BCAT2: variants seen among roughly 807,000 people sequenced by gnomAD.
BCAT2 encodes the protein branched chain amino acid transaminase 2.
Under a neutral mutation model 52.9 loss-of-function variants are expected in BCAT2, and 44 were observed. The ratio of observed to expected loss-of-function variants is 0.83; its 90% CI spans 0.65 to 1.07. BCAT2 has a LOEUF of 1.07. BCAT2 is among the 50% of genes least tolerant of loss of function. The pLI, the probability that BCAT2 is intolerant of heterozygous loss-of-function variation, is 0.00. For synonymous variants in BCAT2, 215 were observed against 217.1 expected (o/e 0.99, Z 0.08); for missense variants, 478 against 521.8 (o/e 0.92, Z 0.82).
At chr19:48,808,112 G>C (rs1373294956) in intron 1 of BCAT2, 1 of 987,000 alleles carries the variant, frequency 1.0e-6, no homozygotes, top group Non-Finnish European at 1.2e-6. Context: ...GAGTTGCTGG[G>C]AGATGGGCCT....
intron 10 of BCAT2, chr19:48,795,877 G>T (rs2034497786): frequency 3.5e-6 from 1 of 283,618 alleles, no homozygotes; most frequent in South Asian, 5.4e-5. Flanking sequence ...AGATTTATGG[G>T]ATTAAACAGT....
intron 3 of BCAT2, among the ~76,000 whole-genome samples, chr19:48,803,353 TAAAAA>T (rs1006855094): frequency 6.7e-6 from 1 of 150,256 alleles, no homozygotes; most frequent in African/African-American, 2.4e-5. Flanking sequence ...ACCCCATCCC[TAAAAA>T]AAAATAAAAT....
intron 3 of BCAT2, among the ~76,000 whole-genome samples, chr19:48,805,656 CT>C (rs1025004513): frequency 6.0e-5 from 9 of 149,174 alleles, no homozygotes; most frequent in African/African-American, 2.2e-4. Context: ...GCCATCCCCC[CT>C]GGGCTGTCTC....
rs551454033 is a variant in BCAT2, at chr19:48,807,085, A to G, written c.25-11T>C. 1.2e-6 allele frequency: 2 copies of G among 1,611,306 alleles called. No homozygotes were observed. Among genetic ancestry groups the G allele is most frequent in the East Asian group, 4.5e-5 (2 of 44,834 alleles). On this transcript the variant is annotated splice_polypyrimidine_tract_variant and intron_variant, in intron 1 of 10. Transcript: ENST00000316273. The surrounding 1 kb of genome is among the most constrained non-coding windows in gnomAD (Gnocchi z 4.6). ...CTTTCGTGCCCAGATCTGGGTGGAG[A>G]AAGAAGTGAGAGAGGGGGTGAGTGG...
intron 3 of BCAT2, among the ~76,000 whole-genome samples, chr19:48,804,968 G>A (rs1029416343): frequency 6.6e-6 from 1 of 151,696 alleles, no homozygotes; most frequent in African/African-American, 2.4e-5. Flanking sequence ...GGAGGGGAGA[G>A]GGGAAAAAAC....
chr19:48,811,021 C>G lies in BCAT2; in HGVS notation c.-14G>C, dbSNP rs775013549. 1 of 1,598,768 alleles carries G rather than the reference C, an allele frequency of 6.3e-7. No homozygotes were observed. The highest frequency in any genetic ancestry group is 8.5e-7 in the Non-Finnish European group (1 of 1,174,120). ...GGCTGCGGCCATGATCCGTGCGGCG[C>G]GTAACTGTGCCCGCCCGGGGCGCGG... On this transcript the variant is annotated 5_prime_UTR_variant, in exon 1 of 11. Transcript: ENST00000316273.
intron 3 of BCAT2, among the ~76,000 whole-genome samples, chr19:48,804,706 T>C (rs1441829511): frequency 6.6e-6 from 1 of 152,106 alleles, no homozygotes; most frequent in Admixed American, 6.6e-5. Context: ...GTGCGTTCTG[T>C]CTGCCAGGGC....
In BCAT2 at chr19:48,799,741, G is replaced by C; in HGVS notation, c.629C>G (p.Ser210Cys). 1 of 1,589,804 alleles carries C rather than the reference G, an allele frequency of 6.3e-7. No homozygotes were observed. Among genetic ancestry groups the C allele is most frequent in the Non-Finnish European group, 8.6e-7 (1 of 1,169,274 alleles). Residue 210 changes from serine (S) to cysteine (C), a missense_variant, in exon 6 of 11, where the codon TCC becomes TGC. Transcript: ENST00000316273. The surrounding 1 kb of genome is among the most constrained non-coding windows in gnomAD (Gnocchi z 5.5). ...YFPGGSVTPV[S>C]LLADPAFIRA... ...GATGAAGGCTGGGTCGGCCAGGAGG[G>C]AGACCGGGGTCACGGAGCCTCCAGG...
rs1398075541 is a variant in BCAT2, at chr19:48,807,109, G to T, written c.25-35C>A. On this transcript the variant is annotated intron_variant, in intron 1 of 10. Coordinates refer to ENST00000316273, the MANE Select transcript of BCAT2 (RefSeq NM_001190.4). This position sits in a 1 kb window ranked among gnomAD's most constrained non-coding sequence, Gnocchi z 4.6. ...GAAAGAAGTGAGAGAGGGGGTGAGTGGGGCACAGCAGGGGCCCTGGCAGCT... is the reference window on the plus strand; with the variant it reads ...GAAAGAAGTGAGAGAGGGGGTGAGTTGGGCACAGCAGGGGCCCTGGCAGCT... 1 of 1,581,744 alleles carries T rather than the reference G, an allele frequency of 6.3e-7. No individual in the cohort carries two copies. Among genetic ancestry groups the T allele is most frequent in the Admixed American group, 1.7e-5 (1 of 58,492 alleles).
chr19:48,796,908 C>T (rs1247419360), intron 8 of BCAT2, 29 bp downstream of exon 8: 2 of 1,611,822 alleles, frequency 1.2e-6, no homozygotes, highest in African/African-American at 2.7e-5. Flanking sequence ...GCACATGGCG[C>T]CCATCACCAG....
intron 1 of BCAT2, among the ~76,000 whole-genome samples, chr19:48,809,306 T>G (rs940851396): frequency 1.3e-5 from 2 of 151,702 alleles, no homozygotes; most frequent in Non-Finnish European, 2.9e-5. Context: ...CGTTTGGGGG[T>G]TCACAGGGCA....
Position 48,809,066 on chromosome 19 carries a change from C to CAAAAAAA in BCAT2, c.24+1911_24+1917dup, listed in dbSNP as rs3057799. Among the ~76,000 whole-genome samples the CAAAAAAA allele has an allele frequency of 4.1e-3, 118 of 28,962 alleles. 35 individuals carry two copies. The highest frequency in any genetic ancestry group is 0.056 in the Middle Eastern group (1 of 18). 19.0% of individuals were successfully genotyped at this position (28,962 alleles called of 152,430 possible). ...CCAGCATGAGTGATAGAGTGTCTCT[C>CAAAAAAA]AAAAAAAAAAAAAAAAAAAAAAAAA... On this transcript the variant is annotated intron_variant, in intron 1 of 10. Transcript: ENST00000316273.
intron 6 of BCAT2, 180 bp from the exon 7 acceptor site, chr19:48,797,513 T>C (rs1413162168): frequency 8.9e-6 from 6 of 672,718 alleles, no homozygotes; most frequent in Non-Finnish European, 5.0e-6. Flanking sequence ...TAAATGGTTA[T>C]GTCCCCTCTC....
In BCAT2 at chr19:48,800,047, G is replaced by C; in HGVS notation, c.465C>G (p.Asp155Glu). Residue 155 changes from aspartate to glutamate, a missense_variant, in exon 5 of 11, where the codon GAC becomes GAG. Transcript: ENST00000316273. ...CGGCGGCATCGGGGACCCAGTCCTT[G>C]TCCACTTCGATGAGCCGGCGGATGC... ...LECIRRLIEV[D>E]KDWVPDAAGT... 1.9e-6 allele frequency: 3 copies of C among 1,614,012 alleles called. No individual in the cohort carries two copies. The highest frequency in any genetic ancestry group is 2.5e-6 in the Non-Finnish European group (3 of 1,179,952).
In BCAT2 at chr19:48,796,082, A is replaced by C. The variant is rs1238286630; in HGVS notation, c.1140+346T>G. 3 of 471,198 alleles carry C rather than the reference A, an allele frequency of 6.4e-6. No individual in the cohort carries two copies. In the East Asian group the frequency reaches 1.0e-4, roughly 16 times the overall value. The allele number at this position is 471,198 out of a possible 1,614,324, so 29.2% of individuals were successfully genotyped here. A position where few individuals can be genotyped will look rare whatever the true frequency, so the allele number is the denominator to read the frequency against. ...CCCGGGGCAGCAGAGGATCACAGGG[A>C]GGGAGTTTCTCCCACCAGGGCACCC... On this transcript the variant is annotated intron_variant, in intron 10 of 10. Coordinates refer to ENST00000316273, the MANE Select transcript of BCAT2 (RefSeq NM_001190.4).
In BCAT2 at chr19:48,797,235, A is replaced by AC; in HGVS notation, c.793dup (p.Val265GlyfsTer46). On this transcript the variant is annotated frameshift_variant, in exon 7 of 11. Coordinates refer to ENST00000316273, the MANE Select transcript of BCAT2 (RefSeq NM_001190.4). LOFTEE classifies it high-confidence loss of function. ...GTAGACAAAGATGTTCATGGTTCCC[A>AC]CCTCGGTGAGCTGGTGGTCGGGCCC... 6.2e-7 allele frequency: 1 copy of AC among 1,613,674 alleles called. No individual in the cohort carries two copies. The highest frequency in any genetic ancestry group is 1.1e-5 in the South Asian group (1 of 90,986).
intron 3 of BCAT2, among the ~76,000 whole-genome samples, chr19:48,804,234 G>A (rs375078387): frequency 5.9e-5 from 9 of 151,958 alleles, no homozygotes; most frequent in Admixed American, 1.3e-4. Flanking sequence ...TTATGTATGC[G>A]TATTAGTACC....
chr19:48,810,936 G>T (rs747130090), intron 1 of BCAT2, 48 bp downstream of exon 1: 1 of 1,596,040 alleles, frequency 6.3e-7, no homozygotes, highest in Non-Finnish European at 8.5e-7. Context: ...CCGGAAGTGC[G>T]CCTCCCCCGG....
In BCAT2 at chr19:48,795,379, G is replaced by A; in HGVS notation, c.*47C>T. 1 of 1,612,788 alleles carries A rather than the reference G, an allele frequency of 6.2e-7. No homozygotes were observed. Among genetic ancestry groups the A allele is most frequent in the Non-Finnish European group, 8.5e-7 (1 of 1,179,188 alleles). ...CATTGGTAGGGAGGCGAGTGCTGGC[G>A]TGACGAGATGCTACGGGTCGGTGGA... On this transcript the variant is annotated 3_prime_UTR_variant, in exon 11 of 11. Transcript: ENST00000316273.
Sources: allele counts gnomAD v4.1 joint callset (sites outside exome capture counted in the v4.1 genomes callset), GRCh38; gene constraint gnomAD v4.1.1; non-coding constraint Gnocchi (gnomAD v3.1); transcripts MANE v1.5; gene names NCBI Gene and HGNC (gene_info 2026-07-23, HGNC 2026-07-21).